The following GPR89B variants were observed in gnomAD, a reference collection of about 807,000 sequenced individuals.
GPR89B encodes golgi pH regulator B.
Under a neutral mutation model 52.4 loss-of-function variants are expected in GPR89B, and 25 were observed. The observed-to-expected ratio is 0.48, with a 90% CI of 0.35 to 0.67. GPR89B has a LOEUF of 0.67. Among genes scored for constraint, GPR89B ranks in the 30% least tolerant of loss-of-function variants. The pLI is 0.01. For missense variants in GPR89B, 146 were observed against 450.2 expected, an observed-to-expected ratio of 0.32 and a Z score of 6.11; for synonymous variants, 52 against 151.2, an observed-to-expected ratio of 0.34 and a Z score of 4.81.
At chr1:147,999,524 G>C in the GPR89B span, among the ~76,000 whole-genome samples, 2 of 147,354 alleles carry the variant, frequency 1.4e-5, no homozygotes, top group Non-Finnish European at 3.0e-5. Flanking sequence ...GCTTGAACCC[G>C]GGAGGTGGAG....
In GPR89B at chr1:147,982,078, G is replaced by T. The variant is rs1558066272; in HGVS notation, c.910-4121G>T. The stretch of plus-strand genomic sequence containing the variant: ...TTATTTATTTATTTATTTATTTACT[G>T]AGGTGGAGTCTCGCTCTGTCGCCCA... On this transcript the variant is annotated intron_variant, in intron 10 of 13. Coordinates refer to ENST00000314163, the MANE Select transcript of GPR89B (RefSeq NM_016334.5). 3.3e-5 allele frequency among the ~76,000 whole-genome samples: 5 copies of T among 151,672 alleles called. 1 individual carries two copies. In the South Asian group the frequency reaches 8.3e-4, roughly 25 times the overall value.
chr1:148,010,062 A>G, the GPR89B span: 2 of 157,376 alleles, frequency 1.3e-5, no homozygotes, highest in African/African-American at 4.8e-5. Context: ...AAAAAAAAAA[A>G]AAAAACTCTA....
chr1:147,972,190 G>A (rs1657522131), intron 10 of GPR89B, among the ~76,000 whole-genome samples: 1 of 149,064 alleles, frequency 6.7e-6, no homozygotes. Flanking sequence ...TGTTTCCGTG[G>A]TTTGGACGTG....
At chr1:148,000,587 G>T in the GPR89B span, among the ~76,000 whole-genome samples, 2 of 149,308 alleles carry the variant, frequency 1.3e-5, no homozygotes. Flanking sequence ...TATGAGGAGG[G>T]CCTAAGATAT....
At chr1:148,009,080 C>T in the GPR89B span, among the ~76,000 whole-genome samples, 1 of 152,178 alleles carries the variant, frequency 6.6e-6, no homozygotes, top group Non-Finnish European at 1.5e-5. Context: ...CAAGTGTCAG[C>T]CTGACAAACA....
intron 12 of GPR89B, among the ~76,000 whole-genome samples, chr1:147,992,013 A>G (rs1659105759): frequency 1.3e-5 from 2 of 152,088 alleles, no homozygotes; most frequent in Non-Finnish European, 2.9e-5. Flanking sequence ...TTTCTAATCA[A>G]CGTAGGAAGA....
chr1:147,936,451 A>G (rs1654096056), intron 1 of GPR89B, among the ~76,000 whole-genome samples, 176 bp from the exon 2 acceptor site: 1 of 152,230 alleles, frequency 6.6e-6, no homozygotes, highest in African/African-American at 2.4e-5. Flanking sequence ...GGCATTTAAA[A>G]ATTTATTTCC....
intron 7 of GPR89B, among the ~76,000 whole-genome samples, chr1:147,963,353 G>A (rs587661213): frequency 1.3e-5 from 2 of 151,908 alleles, no homozygotes; most frequent in East Asian, 3.9e-4. Context: ...TCTAGCCTGG[G>A]TGACAGAGCA....
chr1:147,982,349 T>G (rs1234373347), intron 10 of GPR89B, among the ~76,000 whole-genome samples: 5,425 of 151,564 alleles, frequency 0.036, 363 homozygotes, highest in African/African-American at 0.12. Flanking sequence ...CATGAGCCAC[T>G]GCGACCGGCC....
chr1:147,936,708 A>C (rs1654121456), intron 2 of GPR89B, 22 bp downstream of exon 2: 1 of 1,592,250 alleles, frequency 6.3e-7, no homozygotes, highest in Non-Finnish European at 8.6e-7. Flanking sequence ...TCATTTTGTC[A>C]TACTTACACT....
chr1:147,959,512 G>A (rs1450193874), intron 7 of GPR89B, among the ~76,000 whole-genome samples: 3 of 152,070 alleles, frequency 2.0e-5, no homozygotes, highest in Non-Finnish European at 2.9e-5. Flanking sequence ...CAAGTTGATA[G>A]CTTTCTTGCC....
chr1:147,983,026 A>G (rs1239946701), intron 10 of GPR89B, among the ~76,000 whole-genome samples: 1 of 152,172 alleles, frequency 6.6e-6, no homozygotes, highest in East Asian at 1.9e-4. Context: ...CACGCCGCAT[A>G]TCTACAACCG....
chr1:148,021,066 G>C, the GPR89B span, among the ~76,000 whole-genome samples: 41 of 151,718 alleles, frequency 2.7e-4, 1 homozygote, highest in Non-Finnish European at 1.5e-5. Context: ...GCGTTTCTAC[G>C]TATTTGGCCC....
At chr1:147,986,352 A>C in intron 11 of GPR89B, 58 bp downstream of exon 11, 3 of 1,604,614 alleles carry the variant, frequency 1.9e-6, no homozygotes, top group Non-Finnish European at 2.6e-6. Flanking sequence ...GCTATAACTT[A>C]TCATTGTTAA....
intron 12 of GPR89B, among the ~76,000 whole-genome samples, chr1:147,991,997 A>C (rs1267772118): frequency 6.6e-6 from 1 of 152,130 alleles, no homozygotes; most frequent in African/African-American, 2.4e-5. Flanking sequence ...GCCTGAATTC[A>C]ACTATTTTCT....
chr1:147,980,122 A>G (rs1262751190), intron 10 of GPR89B, among the ~76,000 whole-genome samples: 14 of 148,388 alleles, frequency 9.4e-5, no homozygotes, highest in African/African-American at 3.3e-4. Flanking sequence ...GTATGAGGAT[A>G]TTGGACTATA....
the GPR89B span, among the ~76,000 whole-genome samples, chr1:148,008,639 C>T: frequency 3.3e-5 from 5 of 152,184 alleles, no homozygotes; most frequent in Admixed American, 2.0e-4. Context: ...CCCAGAGCCA[C>T]GGTCAACTGA....
At chr1:148,004,265 TC>T in the GPR89B span, among the ~76,000 whole-genome samples, 29 of 151,148 alleles carry the variant, frequency 1.9e-4, no homozygotes, top group African/African-American at 7.0e-4. Flanking sequence ...CACGCCATTC[TC>T]CTGCCTCAGC....
chr1:148,017,288 C>T, the GPR89B span, among the ~76,000 whole-genome samples: 1 of 151,256 alleles, frequency 6.6e-6, no homozygotes, highest in East Asian at 2.0e-4. Context: ...GTGATCTGCC[C>T]CCCTCAGCCT....
Sources: allele counts gnomAD v4.1 joint callset (sites outside exome capture counted in the v4.1 genomes callset), GRCh38; gene constraint gnomAD v4.1.1; transcripts MANE v1.5; gene names NCBI Gene and HGNC (gene_info 2026-07-23, HGNC 2026-07-21).